The following SCN11A variants were observed in gnomAD, a reference collection of about 807,000 sequenced individuals.
SCN11A encodes the protein sodium channel protein type 11 subunit alpha.
A neutral mutation model predicts 162.2 loss-of-function variants in SCN11A; 122 were observed. That is an observed-to-expected ratio of 0.75 (90% confidence interval 0.65 to 0.87). The LOEUF (loss-of-function observed/expected upper bound fraction) is 0.87. SCN11A is among the 40% of genes least tolerant of loss of function. The pLI, the probability that SCN11A is intolerant of heterozygous loss-of-function variation, is 0.00. For synonymous variants in SCN11A, 758 were observed against 751.5 expected (o/e 1.01, Z -0.14); for missense variants, 2,015 against 2,181.6 (o/e 0.92, Z 1.52).
chr3:38,893,344 C>A (rs976868239), intron 19 of SCN11A, among the ~76,000 whole-genome samples: 1 of 152,094 alleles, frequency 6.6e-6, no homozygotes, highest in Non-Finnish European at 1.5e-5. Flanking sequence ...ACACACCTAA[C>A]AGAAGAGACC....
intron 27 of SCN11A, among the ~76,000 whole-genome samples, chr3:38,867,077 T>C (rs537151962): frequency 6.6e-6 from 1 of 152,338 alleles, no homozygotes; most frequent in South Asian, 2.1e-4. Context: ...ATAGTAGCAA[T>C]GTCCATTGAT....
intron 2 of SCN11A, among the ~76,000 whole-genome samples, chr3:38,992,483 T>C (rs917036259): frequency 6.6e-6 from 1 of 152,242 alleles, no homozygotes; most frequent in Non-Finnish European, 1.5e-5. Flanking sequence ...AACTGCATCC[T>C]CTGGTGGATC....
intron 19 of SCN11A, among the ~76,000 whole-genome samples, chr3:38,889,488 C>A (rs1207172416): frequency 1.3e-5 from 2 of 151,564 alleles, no homozygotes; most frequent in Non-Finnish European, 2.9e-5. Flanking sequence ...ACATGGTGGT[C>A]ATTCAATGCA....
At position 38,896,844 on chromosome 3, in the gene SCN11A, C is replaced by T; in HGVS notation, c.2403+1G>A. On this transcript the variant is annotated splice_donor_variant, in intron 18 of 29. Transcript: ENST00000302328. LOFTEE classifies it high-confidence loss of function. Reference sequence around the variant, plus strand: ...TTTTGAAAAAAATCTAAGACACATACCACAAGTTTTCCTATCACCGTGATC... The same window carrying T: ...TTTTGAAAAAAATCTAAGACACATATCACAAGTTTTCCTATCACCGTGATC... 6 of 1,476,242 alleles carry T rather than the reference C, an allele frequency of 4.1e-6. No individual in the cohort carries two copies. The highest frequency in any genetic ancestry group is 5.4e-6 in the Non-Finnish European group (6 of 1,110,066). 91.4% of individuals were successfully genotyped at this position (1,476,242 alleles called of 1,614,324 possible). A position where few individuals can be genotyped will look rare whatever the true frequency, so the allele number is the denominator to read the frequency against.
Position 39,004,338 on chromosome 3 carries a change from C to T in SCN11A, c.-280+28042G>A, listed in dbSNP as rs574105888. Among the ~76,000 whole-genome samples, 72 of 152,120 alleles carry T rather than the reference C, an allele frequency of 4.7e-4. 1 individual carries two copies. Among genetic ancestry groups the T allele is most frequent in the Admixed American group, 1.8e-3 (27 of 15,274 alleles). On this transcript the variant is annotated intron_variant, in intron 2 of 29. Coordinates refer to ENST00000302328, the MANE Select transcript of SCN11A (RefSeq NM_001349253.2). ...CAAAAAACAGATTGTTGTAGGTGTG[C>T]GGCCTTATTTCTGGGCTCTCTATTC...
chr3:38,872,042 C>T, intron 24 of SCN11A, 151 bp downstream of exon 24: 1 of 671,310 alleles, frequency 1.5e-6, no homozygotes, highest in Non-Finnish European at 2.7e-6. Flanking sequence ...TTAGGCTTTT[C>T]TCTACCCCTC....
rs774523135 is a variant in SCN11A, at chr3:38,925,425, T to C, written c.702A>G (p.Ser234=). The change falls in exon 9 of 30, where the codon TCA becomes TCG. Residue 234 remains serine (S), a synonymous_variant. Transcript: ENST00000302328. ...FRVFRALKAI[S]VVSRLKVIVG... ...GTGAGAGTGACTTACGTGAAACTAC[T>C]GAAATTGCTTTCAAAGCTCTGAACA... 1.9e-5 allele frequency: 31 copies of C among 1,608,486 alleles called. No individual in the cohort carries two copies. In the Admixed American group the frequency reaches 5.2e-4, roughly 27 times the overall value.
intron 2 of SCN11A, among the ~76,000 whole-genome samples, chr3:38,987,597 C>A (rs931306542): frequency 4.0e-5 from 6 of 149,046 alleles, no homozygotes; most frequent in African/African-American, 1.5e-4. Flanking sequence ...ACACCATTTG[C>A]CCATGTGACC....
At chr3:38,925,867 T>C (rs1175277188) in intron 8 of SCN11A, among the ~76,000 whole-genome samples, 1 of 152,246 alleles carries the variant, frequency 6.6e-6, no homozygotes, top group Non-Finnish European at 1.5e-5. Flanking sequence ...CTCCTGCCAC[T>C]ACATGGTCAA....
chr3:38,987,859 A>C (rs986485551), intron 2 of SCN11A, among the ~76,000 whole-genome samples: 18 of 152,144 alleles, frequency 1.2e-4, no homozygotes, highest in Admixed American at 6.5e-5. Flanking sequence ...CCAGCAGCAG[A>C]ATATTTCACT....
At chr3:38,915,950 GT>G (rs2065954867) in intron 11 of SCN11A, among the ~76,000 whole-genome samples, 1 of 152,082 alleles carries the variant, frequency 6.6e-6, no homozygotes, top group African/African-American at 2.4e-5. Flanking sequence ...CTCTTTGTAG[GT>G]CTCTAAGAAC....
At position 38,894,549 on chromosome 3, in the gene SCN11A, G is replaced by A; in HGVS notation, c.2819C>T (p.Pro940Leu). 6.2e-7 allele frequency: 1 copy of A among 1,608,446 alleles called. No homozygotes were observed. Among genetic ancestry groups the A allele is most frequent in the Non-Finnish European group, 8.5e-7 (1 of 1,177,276 alleles). ...GEDNAQRITQPEPEQQAYELH... is the reference protein window; with the variant it reads ...GEDNAQRITQLEPEQQAYELH... ...CCTTCATACCTGTTGTTCAGGCTCA[G>A]GTTGTGTGATGCGCTGTGCATTATC... Residue 940 changes from proline to leucine, a missense_variant, in exon 19 of 30, where the codon CCT becomes CTT. By Grantham distance (98) the Pro-to-Leu change is moderately conservative. Transcript: ENST00000302328.
At chr3:39,031,541 AC>A (rs201786358) in intron 2 of SCN11A, among the ~76,000 whole-genome samples, 3,304 of 146,602 alleles carry the variant, frequency 0.023, 54 homozygotes, top group African/African-American at 0.04. Flanking sequence ...AAACAAACAA[AC>A]AAAAAAAAAA....
intron 2 of SCN11A, among the ~76,000 whole-genome samples, chr3:38,999,370 A>G (rs2030741526): frequency 6.6e-6 from 1 of 152,188 alleles, no homozygotes; most frequent in Admixed American, 6.5e-5. Flanking sequence ...GGCATCCATC[A>G]TTTCTCATTT....
intron 2 of SCN11A, among the ~76,000 whole-genome samples, chr3:39,022,778 G>A (rs1412542761): frequency 6.6e-6 from 1 of 152,096 alleles, no homozygotes; most frequent in Non-Finnish European, 1.5e-5. Context: ...CTACTTGGGA[G>A]GCTGAGGCAA....
chr3:38,963,352 GATATATATATATATATATAT>G (rs377651422), intron 2 of SCN11A, among the ~76,000 whole-genome samples: 2 of 38,286 alleles, frequency 5.2e-5, no homozygotes, highest in African/African-American at 7.1e-5. Context: ...CTATTTGATG[GATATATATATATATATATAT>G]ATATATATAT....
At chr3:38,994,655 T>C (rs1380849803) in intron 2 of SCN11A, among the ~76,000 whole-genome samples, 1 of 152,186 alleles carries the variant, frequency 6.6e-6, no homozygotes, top group Non-Finnish European at 1.5e-5. Context: ...CCTAAGTCCC[T>C]TGGAGTCTGC....
intron 5 of SCN11A, among the ~76,000 whole-genome samples, chr3:38,948,092 T>G (rs927339699): frequency 2.6e-5 from 4 of 152,220 alleles, no homozygotes; most frequent in African/African-American, 9.6e-5. Context: ...CAGGGAAAAC[T>G]GTGCTAGGGT....
At chr3:38,909,455 T>C (rs1483207934) in intron 12 of SCN11A, among the ~76,000 whole-genome samples, 1 of 152,116 alleles carries the variant, frequency 6.6e-6, no homozygotes, top group Non-Finnish European at 1.5e-5. Context: ...AGTATCTGCA[T>C]TTTTAAAATA....
Sources: gnomAD v4.1 joint callset for allele counts (sites outside exome capture counted in the v4.1 genomes callset) on GRCh38, gnomAD v4.1.1 for gene constraint, MANE v1.5 for transcripts, NCBI Gene and HGNC (gene_info 2026-07-23, HGNC 2026-07-21) for gene names.